SCHIP1: variants seen among roughly 807,000 people sequenced by gnomAD.
The protein encoded by SCHIP1 is schwannomin-interacting protein 1.
Under a neutral mutation model 29.7 loss-of-function variants are expected in SCHIP1, and 8 were observed. The ratio of observed to expected loss-of-function variants is 0.27; its 90% CI spans 0.16 to 0.49. The LOEUF (loss-of-function observed/expected upper bound fraction) is 0.49. Ranked by LOEUF, SCHIP1 falls within the 20% of genes least tolerant of loss-of-function variation. SCHIP1 has a pLI of 0.99. For missense variants in SCHIP1, 193 were observed against 294.6 expected, an observed-to-expected ratio of 0.66 and a Z score of 2.52; for synonymous variants, 76 against 94.9, an observed-to-expected ratio of 0.80 and a Z score of 1.16.
At chr3:159,391,467 C>T in the SCHIP1 span, among the ~76,000 whole-genome samples, 11 of 152,052 alleles carry the variant, frequency 7.2e-5, no homozygotes, top group Admixed American at 2.0e-4. Flanking sequence ...TAAGGAAAAC[C>T]TTTAGATATC....
intron 6 of SCHIP1, chr3:159,892,451 A>G (rs1717636562): frequency 3.4e-6 from 2 of 584,286 alleles, no homozygotes; most frequent in Non-Finnish European, 6.1e-6. Flanking sequence ...AATCAGGTCT[A>G]GTTCTGGTTT....
At chr3:159,294,405 A>C in the SCHIP1 span, among the ~76,000 whole-genome samples, 2 of 152,180 alleles carry the variant, frequency 1.3e-5, no homozygotes, top group Non-Finnish European at 2.9e-5. Flanking sequence ...GAGATGCTTT[A>C]AAAATATTCC....
the SCHIP1 span, among the ~76,000 whole-genome samples, chr3:159,491,873 A>G: frequency 1.3e-5 from 2 of 152,224 alleles, no homozygotes; most frequent in African/African-American, 4.8e-5. Context: ...CTGACACCTC[A>G]CACGGCCAGG....
the SCHIP1 span, among the ~76,000 whole-genome samples, chr3:159,534,920 T>C: frequency 3.9e-5 from 6 of 152,262 alleles, no homozygotes; most frequent in East Asian, 9.6e-4. Context: ...CAACCCAAAA[T>C]CTGACAAACA....
the SCHIP1 span, among the ~76,000 whole-genome samples, chr3:159,416,012 T>A: frequency 2.3e-5 from 3 of 128,414 alleles, no homozygotes; most frequent in Admixed American, 8.7e-5. Flanking sequence ...TATAATGGGA[T>A]AAAACCTATT....
At chr3:159,852,000 TG>T (rs1426183422) in intron 1 of SCHIP1, among the ~76,000 whole-genome samples, 3 of 152,348 alleles carry the variant, frequency 2.0e-5, no homozygotes, top group African/African-American at 4.8e-5. Flanking sequence ...CACTTTGGTT[TG>T]GGGGCTACAG....
chr3:159,575,136 T>A, the SCHIP1 span, among the ~76,000 whole-genome samples: 2 of 152,202 alleles, frequency 1.3e-5, no homozygotes, highest in South Asian at 4.1e-4. Context: ...CCCAATGAGA[T>A]GAACCAGGTA....
At chr3:159,334,738 G>A in the SCHIP1 span, among the ~76,000 whole-genome samples, 4 of 152,064 alleles carry the variant, frequency 2.6e-5, no homozygotes, top group East Asian at 3.9e-4. Context: ...TTATATTGTC[G>A]TATTCCATCG....
At chr3:159,594,924 T>C in the SCHIP1 span, among the ~76,000 whole-genome samples, 1 of 152,148 alleles carries the variant, frequency 6.6e-6, no homozygotes, top group Admixed American at 6.6e-5. Context: ...TCTCCAACCC[T>C]GTGTAGACCC....
chr3:159,280,875 G>T, the SCHIP1 span, among the ~76,000 whole-genome samples: 1 of 152,146 alleles, frequency 6.6e-6, no homozygotes, highest in South Asian at 2.1e-4. Context: ...AGACAAAAAA[G>T]CAATGCACAC....
chr3:159,512,867 C>T, the SCHIP1 span, among the ~76,000 whole-genome samples: 11 of 152,204 alleles, frequency 7.2e-5, no homozygotes, highest in Non-Finnish European at 1.6e-4. Context: ...ACTTCCCAGC[C>T]TCTGGTAACC....
At chr3:159,832,203 C>T in the SCHIP1 span, among the ~76,000 whole-genome samples, 1 of 152,278 alleles carries the variant, frequency 6.6e-6, no homozygotes, top group African/African-American at 2.4e-5. Flanking sequence ...GGCCACCCAG[C>T]CATCTGTGCT....
At chr3:159,700,991 G>A in the SCHIP1 span, among the ~76,000 whole-genome samples, 5 of 152,232 alleles carry the variant, frequency 3.3e-5, no homozygotes, top group African/African-American at 1.2e-4. Context: ...TAACCTCTAT[G>A]AGACTCAGTT....
chr3:159,680,587 AAT>A, the SCHIP1 span, among the ~76,000 whole-genome samples: 17 of 107,552 alleles, frequency 1.6e-4, no homozygotes, highest in African/African-American at 6.6e-4. Context: ...ATCTATATAT[AAT>A]ATATGTATAA....
At chr3:159,524,129 G>C in the SCHIP1 span, among the ~76,000 whole-genome samples, 1 of 151,676 alleles carries the variant, frequency 6.6e-6, no homozygotes, top group Non-Finnish European at 1.5e-5. Flanking sequence ...GTTCGTCAAG[G>C]ATTCATTGAA....
At chr3:159,425,966 C>A in the SCHIP1 span, among the ~76,000 whole-genome samples, 2,644 of 152,154 alleles carry the variant, frequency 0.017, 82 homozygotes, top group African/African-American at 0.062. Context: ...GAAATGAAGG[C>A]AGAAATAAAG....
At chr3:159,533,472 T>TTA in the SCHIP1 span, among the ~76,000 whole-genome samples, 1 of 152,124 alleles carries the variant, frequency 6.6e-6, no homozygotes, top group Admixed American at 6.5e-5. Context: ...TTTAATACAT[T>TTA]ATTTTGGGTT....
the SCHIP1 span, among the ~76,000 whole-genome samples, chr3:159,704,417 T>TAAAAAAAAAAAAAAAAAAAAAA: frequency 1.6e-4 from 15 of 92,642 alleles, no homozygotes; most frequent in African/African-American, 5.7e-4. Context: ...CAATTTTTTC[T>TAAAAAAAAAAAAAAAAAAAAAA]AAAAAAAAAA....
the SCHIP1 span, chr3:159,274,063 T>C: frequency 2.0e-6 from 2 of 982,224 alleles, no homozygotes; most frequent in Non-Finnish European, 1.2e-6. Flanking sequence ...AAAAATACTT[T>C]CTCATTGCAT....
Sources: gnomAD v4.1 joint callset for allele counts (sites outside exome capture counted in the v4.1 genomes callset) on GRCh38, gnomAD v4.1.1 for gene constraint, MANE v1.5 for transcripts, NCBI Gene and HGNC (gene_info 2026-07-23, HGNC 2026-07-21) for gene names.